Variants in GPC5 observed in about 807,000 individuals in gnomAD.
The protein encoded by GPC5 is glypican 5, also known as glypican-5.
In GPC5, 47 loss-of-function variants were observed where a neutral mutation model predicts 53.9. The observed-to-expected ratio is 0.87, with a 90% confidence interval of 0.69 to 1.11. GPC5 has a LOEUF of 1.11. Ranked by LOEUF, GPC5 falls within the 50% of genes most tolerant of loss-of-function variation. The pLI is 0.00. For missense variants in GPC5, 748 were observed against 713.1 expected (o/e 1.05, Z -0.56); for synonymous variants, 286 against 263.3 (o/e 1.09, Z -0.84).
intron 6 of GPC5, among the ~76,000 whole-genome samples, chr13:92,055,622 A>G (rs2041068218): frequency 6.6e-6 from 1 of 152,226 alleles, no homozygotes; most frequent in African/African-American, 2.4e-5. Context: ...CTATTTTCCA[A>G]TCATACCAAA....
chr13:92,195,829 G>A (rs184877071), intron 7 of GPC5, among the ~76,000 whole-genome samples: 2 of 152,018 alleles, frequency 1.3e-5, no homozygotes, highest in East Asian at 1.9e-4. Flanking sequence ...ACTTTATCCC[G>A]GGTTTTCACT....
chr13:92,794,062 C>G (rs944172785), intron 7 of GPC5, among the ~76,000 whole-genome samples: 5 of 152,076 alleles, frequency 3.3e-5, no homozygotes, highest in African/African-American at 7.2e-5. Flanking sequence ...GATACTAAAG[C>G]CTGACAGACA....
intron 7 of GPC5, among the ~76,000 whole-genome samples, chr13:92,305,273 T>G (rs2043103311): frequency 6.6e-6 from 1 of 152,172 alleles, no homozygotes; most frequent in South Asian, 2.1e-4. Context: ...ATCGTTAAAG[T>G]TAACCCATCA....
intron 7 of GPC5, among the ~76,000 whole-genome samples, chr13:92,297,602 G>T (rs542558021): frequency 2.4e-4 from 36 of 151,906 alleles, no homozygotes; most frequent in Non-Finnish European, 4.7e-4. Context: ...CCTGTGTGTC[G>T]AAACTCTGTA....
intron 7 of GPC5, among the ~76,000 whole-genome samples, chr13:92,732,145 G>T (rs988017541): frequency 4.0e-5 from 6 of 151,352 alleles, no homozygotes; most frequent in Non-Finnish European, 8.9e-5. Context: ...CTTAGAAAAA[G>T]AACAGGTATT....
chr13:91,428,736 T>G (rs1879231225), intron 1 of GPC5, among the ~76,000 whole-genome samples: 1 of 152,110 alleles, frequency 6.6e-6, no homozygotes, highest in African/African-American at 2.4e-5. Context: ...GAAAGGAATT[T>G]TTTTTTTTGT....
chr13:91,571,802 T>C lies in GPC5; in HGVS notation c.326-121385T>C, dbSNP rs965134299. On this transcript the variant is annotated intron_variant, in intron 2 of 7. Coordinates refer to ENST00000377067, the MANE Select transcript of GPC5 (RefSeq NM_004466.6). Reference sequence around the variant, plus strand: ...ACACACATATACGTGTGTGTATATATACACACACATACGTGTGTGTATATA... The same window carrying C: ...ACACACATATACGTGTGTGTATATACACACACACATACGTGTGTGTATATA... Among the ~76,000 whole-genome samples the C allele has an allele frequency of 9.6e-4, 99 of 103,270 alleles. 5 individuals carry two copies. The highest frequency in any genetic ancestry group is 4.0e-3 in the African/African-American group (82 of 20,524). The allele number at this position is 103,270 out of a possible 152,430, so 67.7% of individuals were successfully genotyped here.
At chr13:92,462,713 C>G (rs1878538440) in intron 7 of GPC5, among the ~76,000 whole-genome samples, 1 of 136,544 alleles carries the variant, frequency 7.3e-6, no homozygotes, top group African/African-American at 2.7e-5. Flanking sequence ...GTGTTTTGTT[C>G]ATGTCTTTTT....
Position 92,106,356 on chromosome 13 carries a change from AT to A in GPC5, c.1402-38473del, listed in dbSNP as rs577206668. 1.6e-3 allele frequency among the ~76,000 whole-genome samples: 242 copies of A among 152,240 alleles called. 2 individuals carry two copies. Among genetic ancestry groups the A allele is most frequent in the African/African-American group, 5.5e-3 (230 of 41,588 alleles). On this transcript the variant is annotated intron_variant, in intron 6 of 7. Transcript: ENST00000377067. ...AAAAGATTGAGTTAAATTTTGAAAA[AT>A]ATAAGAATCTCATTTGAGCTACATG...
At chr13:92,551,470 G>A (rs1010557745) in intron 7 of GPC5, among the ~76,000 whole-genome samples, 1 of 151,812 alleles carries the variant, frequency 6.6e-6, no homozygotes, top group African/African-American at 2.4e-5. Flanking sequence ...TTTCTCCAAA[G>A]TCATTTACTT....
At chr13:92,755,441 C>T (rs1451026362) in intron 7 of GPC5, among the ~76,000 whole-genome samples, 2 of 151,024 alleles carry the variant, frequency 1.3e-5, no homozygotes, top group Admixed American at 6.6e-5. Context: ...AGAGCAAACA[C>T]ATTCAAAAGC....
At chr13:91,875,980 T>C (rs995795392) in intron 5 of GPC5, among the ~76,000 whole-genome samples, 1 of 152,142 alleles carries the variant, frequency 6.6e-6, no homozygotes, top group Non-Finnish European at 1.5e-5. Context: ...ATTGAATCAT[T>C]GAGGGGAGTC....
intron 7 of GPC5, among the ~76,000 whole-genome samples, chr13:92,843,940 AG>A: frequency 6.6e-6 from 1 of 151,718 alleles, no homozygotes; most frequent in East Asian, 1.9e-4. Context: ...CGATTTACCC[AG>A]CCACCCTTTG....
chr13:92,838,867 C>CA (rs1221185201), intron 7 of GPC5, among the ~76,000 whole-genome samples: 1 of 152,084 alleles, frequency 6.6e-6, no homozygotes, highest in Non-Finnish European at 1.5e-5. Flanking sequence ...GAAAACAAGT[C>CA]AAAAAATAAC....
chr13:92,226,716 A>C (rs1420452939), intron 7 of GPC5, among the ~76,000 whole-genome samples: 1 of 149,492 alleles, frequency 6.7e-6, no homozygotes, highest in East Asian at 2.0e-4. Context: ...CTCCTTCCCC[A>C]GTCTCCCGAG....
At chr13:91,623,418 G>T (rs983802462) in intron 2 of GPC5, among the ~76,000 whole-genome samples, 17 of 152,044 alleles carry the variant, frequency 1.1e-4, no homozygotes, top group Admixed American at 2.0e-4. Flanking sequence ...AGAAGGGGAT[G>T]AGGGCAAGAG....
chr13:92,235,666 G>A (rs1280514603), intron 7 of GPC5, among the ~76,000 whole-genome samples: 1 of 152,116 alleles, frequency 6.6e-6, no homozygotes, highest in Non-Finnish European at 1.5e-5. Context: ...GGAATGATAA[G>A]TTTATTAGCA....
intron 5 of GPC5, among the ~76,000 whole-genome samples, chr13:91,785,161 G>A (rs2037859240): frequency 6.6e-6 from 1 of 152,154 alleles, no homozygotes; most frequent in South Asian, 2.1e-4. Context: ...TGGTGCACCT[G>A]AGGGCTCAGG....
chr13:92,059,467 G>A (rs1053644861), intron 6 of GPC5, among the ~76,000 whole-genome samples: 1 of 151,786 alleles, frequency 6.6e-6, no homozygotes, highest in African/African-American at 2.4e-5. Flanking sequence ...CATACATATA[G>A]CCATCTCTTC....
Sources: gnomAD v4.1 joint callset for allele counts (sites outside exome capture counted in the v4.1 genomes callset) on GRCh38, gnomAD v4.1.1 for gene constraint, MANE v1.5 for transcripts, NCBI Gene and HGNC (gene_info 2026-07-23, HGNC 2026-07-21) for gene names.